The following MMP26 variants were observed in gnomAD, a reference collection of about 807,000 sequenced individuals.
MMP26 encodes matrix metallopeptidase 26.
In MMP26, 33 loss-of-function variants were observed where a neutral mutation model predicts 31.0. The ratio of observed to expected loss-of-function variants is 1.06; its 90% CI spans 0.81 to 1.42. The LOEUF (loss-of-function observed/expected upper bound fraction) is 1.42. Ranked by LOEUF, MMP26 falls within the 40% of genes most tolerant of loss-of-function variation. MMP26 has a pLI of 0.00. For missense variants in MMP26, 347 were observed against 316.1 expected (o/e 1.10, Z -0.74); for synonymous variants, 122 against 114.9 (o/e 1.06, Z -0.40).
At chr11:4,870,146 C>T (rs1437965224) in intron 2 of MMP26, among the ~76,000 whole-genome samples, 1 of 151,984 alleles carries the variant, frequency 6.6e-6, no homozygotes, top group African/African-American at 2.4e-5. Flanking sequence ...GGGTGCAGCA[C>T]ACTGACATGG....
intron 2 of MMP26, among the ~76,000 whole-genome samples, chr11:4,857,262 TAA>T (rs150569161): frequency 0.22 from 33,414 of 150,934 alleles, 4,217 homozygotes; most frequent in South Asian, 0.35. Flanking sequence ...AAAAAACCCT[TAA>T]AAAAAAATCA....
At chr11:4,974,670 C>T (rs1589822425) in intron 2 of MMP26, among the ~76,000 whole-genome samples, 1 of 152,058 alleles carries the variant, frequency 6.6e-6, no homozygotes, top group Non-Finnish European at 1.5e-5. Flanking sequence ...CCATAGATTT[C>T]GGAGTGCCTT....
chr11:4,799,979 T>C (rs1849159924), intron 2 of MMP26, among the ~76,000 whole-genome samples: 1 of 152,204 alleles, frequency 6.6e-6, no homozygotes, highest in Non-Finnish European at 1.5e-5. Context: ...TTGCAGGGTG[T>C]GGTCCCTGTG....
intron 2 of MMP26, chr11:4,769,233 T>C: frequency 1.2e-6 from 2 of 1,613,850 alleles, no homozygotes; most frequent in Non-Finnish European, 1.7e-6. Flanking sequence ...GAGGCAATTC[T>C]GAGGACAGAG....
At chr11:4,784,116 T>G (rs1848902877) in intron 2 of MMP26, among the ~76,000 whole-genome samples, 1 of 152,244 alleles carries the variant, frequency 6.6e-6, no homozygotes, top group Non-Finnish European at 1.5e-5. Context: ...TCAATTACTA[T>G]AATTCAAAGG....
chr11:4,845,059 G>C (rs1353793953), intron 2 of MMP26, among the ~76,000 whole-genome samples: 1 of 151,898 alleles, frequency 6.6e-6, no homozygotes, highest in Non-Finnish European at 1.5e-5. Context: ...AAATTTGCAG[G>C]ATACAAAATT....
chr11:4,712,178 G>C (rs1847870700), intron 1 of MMP26: 1 of 152,164 alleles, frequency 6.6e-6, no homozygotes, highest in African/African-American at 2.4e-5. Flanking sequence ...CATATTTTGA[G>C]CATCTTCATT....
chr11:4,978,071 C>T (rs565523230), intron 2 of MMP26, among the ~76,000 whole-genome samples: 153 of 151,984 alleles, frequency 1.0e-3, no homozygotes, highest in Non-Finnish European at 1.6e-3. Flanking sequence ...GGAGCTCTTC[C>T]GCCTTCACTT....
Position 4,882,392 on chromosome 11 carries a change from A to G in MMP26, c.-144-105676A>G, listed in dbSNP as rs1312576221. On this transcript the variant is annotated intron_variant, in intron 2 of 7. Transcript: ENST00000380390. ...TTTCTTACTTCCCCTTCTTGTAGCC[A>G]TAAACACTGTGTCTTTTCATGGGGG... 10 of 1,613,948 alleles carry G rather than the reference A, an allele frequency of 6.2e-6. No homozygotes were observed. In the East Asian group the frequency reaches 1.3e-4, roughly 22 times the overall value.
chr11:4,827,817 C>G (rs1849598441), intron 2 of MMP26, among the ~76,000 whole-genome samples: 1 of 150,948 alleles, frequency 6.6e-6, no homozygotes, highest in African/African-American at 2.4e-5. Flanking sequence ...GATGAGAGTT[C>G]TAATTGTTTT....
intron 2 of MMP26, among the ~76,000 whole-genome samples, chr11:4,985,207 TATC>T (rs1188269215): frequency 2.0e-5 from 3 of 152,168 alleles, no homozygotes; most frequent in African/African-American, 7.2e-5. Context: ...ATCAATATTT[TATC>T]ATTTCCATGG....
chr11:4,978,645 A>T (rs1275584677), intron 2 of MMP26, among the ~76,000 whole-genome samples: 1 of 152,106 alleles, frequency 6.6e-6, no homozygotes, highest in African/African-American at 2.4e-5. Context: ...AACACAATGG[A>T]TATTGATTTA....
At chr11:4,783,162 T>C (rs936845571) in intron 2 of MMP26, among the ~76,000 whole-genome samples, 1 of 152,194 alleles carries the variant, frequency 6.6e-6, no homozygotes, top group Non-Finnish European at 1.5e-5. Context: ...ACCGTGCTCC[T>C]GGAAAAGCTG....
chr11:4,922,037 T>C (rs1851193156), intron 2 of MMP26, among the ~76,000 whole-genome samples: 1 of 152,220 alleles, frequency 6.6e-6, no homozygotes, highest in African/African-American at 2.4e-5. Context: ...GTGTTTATTA[T>C]TTCGAACACT....
intron 2 of MMP26, among the ~76,000 whole-genome samples, chr11:4,768,056 T>C (rs1848654441): frequency 6.8e-6 from 1 of 146,174 alleles, no homozygotes; most frequent in Admixed American, 6.6e-5. Context: ...GTCACATAGG[T>C]CTTTAATGGC....
At position 4,949,949 on chromosome 11, in the gene MMP26, T is replaced by A. The variant is rs1043149565; in HGVS notation, c.-144-38119T>A. ...ACTAATGGCACTTATTCCGGAGTCATGAAAATTTTACATTTCAATCTTTAT... is the reference window on the plus strand; with the variant it reads ...ACTAATGGCACTTATTCCGGAGTCAAGAAAATTTTACATTTCAATCTTTAT... On this transcript the variant is annotated intron_variant, in intron 2 of 7. Coordinates refer to ENST00000380390, the MANE Select transcript of MMP26 (RefSeq NM_021801.5). Among the ~76,000 whole-genome samples the A allele has an allele frequency of 3.2e-5, 4 of 123,410 alleles. 2 individuals are homozygous for A. The highest frequency in any genetic ancestry group is 7.4e-5 in the Non-Finnish European group (4 of 54,244). The allele number at this position is 123,410 out of a possible 152,430, so 81.0% of individuals were successfully genotyped here.
At chr11:4,915,467 A>G in intron 2 of MMP26, 1 of 1,614,186 alleles carries the variant, frequency 6.2e-7, no homozygotes, top group African/African-American at 1.3e-5. Context: ...GGACAGGAAG[A>G]GATACATAGG....
chr11:4,888,085 T>C (rs905436823), intron 2 of MMP26, among the ~76,000 whole-genome samples: 5 of 152,130 alleles, frequency 3.3e-5, no homozygotes, highest in African/African-American at 9.6e-5. Flanking sequence ...TCAAAATGGT[T>C]CTCTGAAACA....
At chr11:4,766,297 G>A (rs77257972) in intron 1 of MMP26, among the ~76,000 whole-genome samples, 12,254 of 152,206 alleles carry the variant, frequency 0.081, 589 homozygotes, top group Middle Eastern at 0.13. Context: ...AGAATTATGC[G>A]AAGTGGTGGA....
Sources: allele counts gnomAD v4.1 joint callset (sites outside exome capture counted in the v4.1 genomes callset), GRCh38; gene constraint gnomAD v4.1.1; transcripts MANE v1.5; gene names NCBI Gene and HGNC (gene_info 2026-07-23, HGNC 2026-07-21).